Variants in DAB1 observed in about 807,000 individuals in gnomAD.
DAB1 encodes the protein disabled homolog 1.
In DAB1, 15 loss-of-function variants were observed where a neutral mutation model predicts 64.6. That is an observed-to-expected ratio of 0.23 (90% CI 0.16 to 0.36). The LOEUF is 0.36. DAB1 is among the 10% of genes least tolerant of loss of function. DAB1 has a pLI of 1.00. For synonymous variants in DAB1, 235 were observed against 251.9 expected (o/e 0.93, Z 0.64); for missense variants, 596 against 706.7 (o/e 0.84, Z 1.78).
At chr1:57,238,852 C>CAT (rs1668290507) in intron 2 of DAB1, among the ~76,000 whole-genome samples, 2 of 141,562 alleles carry the variant, frequency 1.4e-5, no homozygotes, top group African/African-American at 5.3e-5. Flanking sequence ...CACACACACA[C>CAT]ACACACATAC....
intron 6 of DAB1, among the ~76,000 whole-genome samples, chr1:57,760,734 T>A (rs1649048804): frequency 1.3e-5 from 2 of 152,034 alleles, no homozygotes; most frequent in Non-Finnish European, 2.9e-5. Flanking sequence ...GCAGATTGGA[T>A]CCAGGTCTGC....
At chr1:57,251,152 A>ATGTG in intron 2 of DAB1, among the ~76,000 whole-genome samples, 1 of 152,342 alleles carries the variant, frequency 6.6e-6, no homozygotes, top group Non-Finnish European at 1.5e-5. Context: ...GGGCCACCAG[A>ATGTG]AATGCTACCA....
intron 5 of DAB1, among the ~76,000 whole-genome samples, chr1:57,966,804 G>T (rs1645677110): frequency 6.6e-6 from 1 of 152,130 alleles, no homozygotes; most frequent in South Asian, 2.1e-4. Flanking sequence ...CATATACCAA[G>T]AAGGTTAAGA....
At chr1:57,658,947 T>A (rs1465814443) in intron 6 of DAB1, among the ~76,000 whole-genome samples, 3 of 152,144 alleles carry the variant, frequency 2.0e-5, no homozygotes, top group Non-Finnish European at 4.4e-5. Flanking sequence ...TTTTCCCCAT[T>A]CTCTGGAAAT....
intron 2 of DAB1, among the ~76,000 whole-genome samples, chr1:57,170,698 C>T (rs1046901790): frequency 6.6e-6 from 1 of 152,156 alleles, no homozygotes; most frequent in Non-Finnish European, 1.5e-5. Flanking sequence ...CCTTTTCTCT[C>T]TCAACCCTAT....
intron 4 of DAB1, among the ~76,000 whole-genome samples, chr1:58,258,821 C>T (rs1403997106): frequency 6.6e-6 from 1 of 152,122 alleles, no homozygotes; most frequent in Non-Finnish European, 1.5e-5. Context: ...AATGATGATG[C>T]CATTGGGGAT....
At chr1:57,171,298 A>C (rs1052086401) in intron 2 of DAB1, among the ~76,000 whole-genome samples, 1 of 152,220 alleles carries the variant, frequency 6.6e-6, no homozygotes, top group African/African-American at 2.4e-5. Flanking sequence ...TTTAAATTTT[A>C]AAACTGCTCA....
intron 1 of DAB1, chr1:58,530,586 T>C (rs117043087): frequency 1.2e-6 from 1 of 867,328 alleles, no homozygotes; most frequent in East Asian, 2.4e-5. Context: ...ATTCAAGTTA[T>C]TGTCTCAGAC....
chr1:57,862,841 T>A (rs1654120574), intron 1 of DAB1: 1 of 152,124 alleles, frequency 6.6e-6, no homozygotes, highest in Admixed American at 6.6e-5. Context: ...GAATGTAAAA[T>A]GCTAAAACTT....
intron 1 of DAB1, among the ~76,000 whole-genome samples, chr1:57,414,060 T>G (rs1684317062): frequency 6.6e-6 from 1 of 152,246 alleles, no homozygotes; most frequent in Non-Finnish European, 1.5e-5. Context: ...AATCTACTTC[T>G]AGTGAAGATG....
Position 57,068,767 on chromosome 1 carries a change from C to T in DAB1, c.663+593G>A, listed in dbSNP as rs183319363. Among the ~76,000 whole-genome samples, 352 of 152,096 alleles carry T rather than the reference C, an allele frequency of 2.3e-3. 1 individual carries two copies. The highest frequency in any genetic ancestry group is 7.8e-3 in the African/African-American group (326 of 41,530). On this transcript the variant is annotated intron_variant, in intron 8 of 14. Coordinates refer to ENST00000371236, the MANE Select transcript of DAB1 (RefSeq NM_001365792.1). ...ATCTTGGCTCTAAATAGTTGTACAACCCCGAGAAAGCTACTCGGCTTCTCT... is the reference window on the plus strand; with the variant it reads ...ATCTTGGCTCTAAATAGTTGTACAATCCCGAGAAAGCTACTCGGCTTCTCT...
At chr1:57,416,507 T>C (rs1684507038) in intron 1 of DAB1, among the ~76,000 whole-genome samples, 1 of 152,194 alleles carries the variant, frequency 6.6e-6, no homozygotes, top group Non-Finnish European at 1.5e-5. Flanking sequence ...GTGAATCGAC[T>C]GTTTTAATAG....
intron 6 of DAB1, among the ~76,000 whole-genome samples, chr1:57,659,763 G>A (rs1570714006): frequency 6.6e-6 from 1 of 152,036 alleles, no homozygotes; most frequent in East Asian, 1.9e-4. Flanking sequence ...GATGGCTTGA[G>A]GTCAGGAGTT....
intron 1 of DAB1, among the ~76,000 whole-genome samples, chr1:57,298,057 T>C (rs932420314): frequency 2.6e-5 from 4 of 152,208 alleles, no homozygotes; most frequent in Non-Finnish European, 5.9e-5. Context: ...TCAGCCTAAG[T>C]AGGCCTTTTG....
intron 3 of DAB1, among the ~76,000 whole-genome samples, chr1:58,405,078 C>T (rs967834537): frequency 6.6e-6 from 1 of 152,182 alleles, no homozygotes; most frequent in African/African-American, 2.4e-5. Flanking sequence ...TGCTACTCCC[C>T]GCCACCTCCC....
At chr1:57,581,445 C>T (rs1179706962) in intron 7 of DAB1, among the ~76,000 whole-genome samples, 1 of 152,056 alleles carries the variant, frequency 6.6e-6, no homozygotes, top group African/African-American at 2.4e-5. Context: ...TGGGTGAAGA[C>T]TCTCCTTTAG....
At chr1:57,449,685 A>T (rs1686279668) in intron 7 of DAB1, among the ~76,000 whole-genome samples, 1 of 152,134 alleles carries the variant, frequency 6.6e-6, no homozygotes, top group Admixed American at 6.6e-5. Context: ...AGCCATTTTA[A>T]TCTCTTTTTT....
At chr1:57,395,788 TGG>T (rs1354410079) in intron 1 of DAB1, among the ~76,000 whole-genome samples, 16 of 42,630 alleles carry the variant, frequency 3.8e-4, no homozygotes, top group African/African-American at 2.6e-3. Flanking sequence ...GAGGCTCCCA[TGG>T]CTACCATATT....
intron 14 of DAB1, among the ~76,000 whole-genome samples, chr1:57,000,345 CCTT>C (rs1645811886): frequency 6.6e-6 from 1 of 152,052 alleles, no homozygotes; most frequent in South Asian, 2.1e-4. Context: ...CGCCAGGCCT[CCTT>C]CTGCCATTTT....
Sources: gnomAD v4.1 joint callset for allele counts (sites outside exome capture counted in the v4.1 genomes callset) on GRCh38, gnomAD v4.1.1 for gene constraint, MANE v1.5 for transcripts, NCBI Gene and HGNC (gene_info 2026-07-23, HGNC 2026-07-21) for gene names.